The following OGDH variants were observed in gnomAD, a reference collection of about 807,000 sequenced individuals.
OGDH encodes 2-oxoglutarate dehydrogenase complex component E1.
A neutral mutation model predicts 116.6 loss-of-function variants in OGDH; 38 were observed. That is an observed-to-expected ratio of 0.33 (90% CI 0.25 to 0.43). OGDH has a LOEUF of 0.43. Ranked by LOEUF, OGDH falls within the 20% of genes least tolerant of loss-of-function variation. The pLI, the probability that OGDH is intolerant of heterozygous loss-of-function variation, is 1.00. For missense variants in OGDH, 825 were observed against 1,357.2 expected (o/e 0.61, Z 6.16); for synonymous variants, 488 against 533.3 (o/e 0.92, Z 1.17).
intron 1 of OGDH, among the ~76,000 whole-genome samples, chr7:44,608,028 T>C (rs1340646017): frequency 6.6e-6 from 1 of 152,086 alleles, no homozygotes; most frequent in African/African-American, 2.4e-5. Context: ...AGCGCACTTT[T>C]CACATTTCAG....
chr7:44,690,291 G>C (rs1270362884), intron 10 of OGDH, among the ~76,000 whole-genome samples: 1 of 152,192 alleles, frequency 6.6e-6, no homozygotes, highest in Non-Finnish European at 1.5e-5. Context: ...TAGTGAACGA[G>C]TTGTCAGGGT....
In OGDH at chr7:44,673,782, A is replaced by C. The variant is rs756600026; in HGVS notation, c.634-5A>C. On this transcript the variant is annotated splice_region_variant and splice_polypyrimidine_tract_variant and intron_variant, in intron 5 of 22. Coordinates refer to ENST00000222673, the MANE Select transcript of OGDH (RefSeq NM_002541.4). Reference sequence around the variant, plus strand: ...CCCTTGACTGTGTGTTTCTGTATGGAATAGATGGCCTACTGCCAGCATATT... The same window carrying C: ...CCCTTGACTGTGTGTTTCTGTATGGCATAGATGGCCTACTGCCAGCATATT... 6.2e-6 allele frequency: 10 copies of C among 1,614,054 alleles called. No individual in the cohort carries two copies. The highest frequency in any genetic ancestry group is 3.4e-6 in the Non-Finnish European group (4 of 1,180,004).
At chr7:44,618,215 T>G (rs1215289940) in intron 1 of OGDH, among the ~76,000 whole-genome samples, 2 of 152,214 alleles carry the variant, frequency 1.3e-5, no homozygotes, top group African/African-American at 4.8e-5. Flanking sequence ...ACATTTTTTC[T>G]TACACATTAA....
Position 44,694,516 on chromosome 7 carries a change from G to C in OGDH, c.1608G>C (p.Val536=). 1 of 1,614,070 alleles carries C rather than the reference G, an allele frequency of 6.2e-7. No individual in the cohort carries two copies. The highest frequency in any genetic ancestry group is 1.1e-5 in the South Asian group (1 of 91,072). ...AGCAGATCCGCAAGCAGAAGCCTGT[G>C]TTACAGAAGTACGCTGAGCTGCTGG... ...MYKQIRKQKP[V]LQKYAELLVS... Residue 536 remains valine (V), a synonymous_variant, in exon 12 of 23, where the codon GTG becomes GTC. Transcript: ENST00000222673. This position sits in a 1 kb window ranked among gnomAD's most constrained non-coding sequence, Gnocchi z 4.2.
rs1255544776 is a variant in OGDH at position 44,645,333 on chromosome 7, G to C, written c.229G>C (p.Asp77His). 6.2e-7 allele frequency: 1 copy of C among 1,614,012 alleles called. No homozygotes were observed. Among genetic ancestry groups the C allele is most frequent in the East Asian group, 2.2e-5 (1 of 44,884 alleles). The change falls in exon 3 of 23, where the codon GAC (aspartate) becomes CAC (histidine). Residue 77 changes from aspartate (D) to histidine (H), a missense_variant. Transcript: ENST00000222673. ...GTACCTTCTTTGTCTTTAGTCATGG[G>C]ACATTTTTTTTCGCAACACGAATGC... ...ENPKSVHKSW[D>H]IFFRNTNAGA... is the part of the protein sequence containing the mutation.
chr7:44,628,476 G>A (rs915383716), intron 2 of OGDH, among the ~76,000 whole-genome samples: 3 of 147,718 alleles, frequency 2.0e-5, no homozygotes, highest in South Asian at 2.1e-4. Context: ...TTTTTTTAAT[G>A]TAAGTAGGAG....
chr7:44,643,113 A>AG (rs1433228424), intron 2 of OGDH, among the ~76,000 whole-genome samples: 11 of 134,516 alleles, frequency 8.2e-5, no homozygotes, highest in Non-Finnish European at 1.6e-4. Flanking sequence ...AAAAAAAAAA[A>AG]AAAAGTCATT....
rs773638723 is a variant in OGDH at position 44,697,135 on chromosome 7, T to C, written c.2051+71T>C. ...GGAAAGGGAGGGGTTCTGGTGTTTCTTTTCCGGAAGACGGTTAGAAACCGG... is the reference window on the plus strand; with the variant it reads ...GGAAAGGGAGGGGTTCTGGTGTTTCCTTTCCGGAAGACGGTTAGAAACCGG... On this transcript the variant is annotated intron_variant, in intron 15 of 22. Coordinates refer to ENST00000222673, the MANE Select transcript of OGDH (RefSeq NM_002541.4). This position sits in a 1 kb window ranked among gnomAD's most constrained non-coding sequence, Gnocchi z 6.0. 1.4e-5 allele frequency: 22 copies of C among 1,563,010 alleles called. No individual in the cohort carries two copies. The highest frequency in any genetic ancestry group is 1.7e-4 in the Middle Eastern group (1 of 5,864).
At chr7:44,652,026 T>A (rs1427195774) in intron 4 of OGDH, among the ~76,000 whole-genome samples, 2 of 151,450 alleles carry the variant, frequency 1.3e-5, no homozygotes, top group Admixed American at 1.3e-4. Flanking sequence ...TCATTAACAA[T>A]TTTTAAAATT....
intron 1 of OGDH, among the ~76,000 whole-genome samples, chr7:44,619,019 G>A (rs1297186230): frequency 6.6e-6 from 1 of 152,180 alleles, no homozygotes; most frequent in Non-Finnish European, 1.5e-5. Flanking sequence ...ATCCAATGAA[G>A]TCTCCATAAA....
At position 44,645,426 on chromosome 7, in the gene OGDH, G is replaced by A. The variant is rs1391851277; in HGVS notation, c.322G>A (p.Ala108Thr). 4 of 1,614,080 alleles carry A rather than the reference G, an allele frequency of 2.5e-6. No homozygotes were observed. The change falls in exon 3 of 23, where the codon GCC becomes ACC. Residue 108 changes from alanine to threonine, a missense_variant. This residue lies in a region of OGDH where 126 missense variants were observed against 130.4 expected (regional missense o/e 0.97). Coordinates refer to ENST00000222673, the MANE Select transcript of OGDH (RefSeq NM_002541.4). ...GAGCCGAGGCTCCCTGGCTGCTGTG[G>A]CCCATGCACAGTCCCTGGTAGAAGC... ...PLSRGSLAAVAHAQSLVEAQP... is the reference protein window; with the variant it reads ...PLSRGSLAAVTHAQSLVEAQP...
intron 20 of OGDH, among the ~76,000 whole-genome samples, chr7:44,706,131 C>A (rs144865104): frequency 4.3e-4 from 65 of 152,062 alleles, no homozygotes; most frequent in African/African-American, 1.5e-3. Flanking sequence ...TTTGTAGAGA[C>A]GGAGTATCAC....
At chr7:44,663,307 T>G (rs1256795727) in intron 4 of OGDH, among the ~76,000 whole-genome samples, 2 of 152,230 alleles carry the variant, frequency 1.3e-5, no homozygotes, top group East Asian at 3.8e-4. Context: ...TAACTCACTT[T>G]TAAAAATTTG....
chr7:44,654,778 C>G (rs1001263329), intron 4 of OGDH, among the ~76,000 whole-genome samples: 1 of 152,124 alleles, frequency 6.6e-6, no homozygotes. Context: ...ACTGGTAAAC[C>G]GAGTCCCCTA....
At chr7:44,678,574 C>G (rs931528640) in intron 9 of OGDH, among the ~76,000 whole-genome samples, 3 of 152,122 alleles carry the variant, frequency 2.0e-5, no homozygotes, top group African/African-American at 7.2e-5. Flanking sequence ...CAGCTGAGTC[C>G]GAACTGTCAG....
At chr7:44,681,590 G>A (rs1423589790) in intron 9 of OGDH, 130 bp from the exon 10 acceptor site, 1 of 1,310,436 alleles carries the variant, frequency 7.6e-7, no homozygotes, top group Non-Finnish European at 1.1e-6. Context: ...GGACTTTCCT[G>A]CTACTTTCTA....
At chr7:44,668,727 T>C (rs1787295339) in intron 5 of OGDH, among the ~76,000 whole-genome samples, 1 of 152,210 alleles carries the variant, frequency 6.6e-6, no homozygotes, top group Admixed American at 6.5e-5. Flanking sequence ...CTGACTATAG[T>C]TTCTAGTTCT....
chr7:44,694,777 C>T lies in OGDH; in HGVS notation c.1668+201C>T, dbSNP rs1788506909. 6.6e-6 allele frequency among the ~76,000 whole-genome samples: 1 copy of T among 152,172 alleles called. No individual in the cohort carries two copies. Among genetic ancestry groups the T allele is most frequent in the African/African-American group, 2.4e-5 (1 of 41,442 alleles). ...GAGATGCTTTATAAAGGAAGTGGGC[C>T]TTAAACAGTGTTTTGGGGAAGGGAA... On this transcript the variant is annotated intron_variant, in intron 12 of 22. Transcript: ENST00000222673. The surrounding 1 kb of genome is among the most constrained non-coding windows in gnomAD (Gnocchi z 4.2).
chr7:44,661,335 A>G (rs1321763697), intron 4 of OGDH, among the ~76,000 whole-genome samples: 1 of 152,104 alleles, frequency 6.6e-6, no homozygotes, highest in African/African-American at 2.4e-5. Context: ...ACTTGTCTAT[A>G]TCACATTTGA....
Sources: gnomAD v4.1 joint callset for allele counts (sites outside exome capture counted in the v4.1 genomes callset) on GRCh38, gnomAD v4.1.1 for gene constraint, gnomAD v4.1.1 regional missense constraint, Gnocchi (gnomAD v3.1) non-coding constraint, MANE v1.5 for transcripts, NCBI Gene and HGNC (gene_info 2026-07-23, HGNC 2026-07-21) for gene names.